PIK3R5: variants seen among roughly 807,000 people sequenced by gnomAD.
The protein encoded by PIK3R5 is phosphoinositide-3-kinase regulatory subunit 5.
PIK3R5 carries 32 observed loss-of-function variants against 94.9 expected under a neutral mutation model. The observed-to-expected ratio is 0.34, with a 90% CI of 0.25 to 0.45. The LOEUF (loss-of-function observed/expected upper bound fraction) is 0.45, where lower values mean the gene tolerates loss of function less well. Ranked by LOEUF, PIK3R5 falls within the 20% of genes least tolerant of loss-of-function variation. PIK3R5 has a pLI of 1.00. For missense variants in PIK3R5, 853 were observed against 1,144.6 expected, an observed-to-expected ratio of 0.75 and a Z score of 3.68; for synonymous variants, 443 against 479.4, an observed-to-expected ratio of 0.92 and a Z score of 0.99.
At chr17:8,887,709 G>A (rs1364484923) in intron 10 of PIK3R5, 26 bp from the exon 11 acceptor site, 7 of 1,569,048 alleles carry the variant, frequency 4.5e-6, no homozygotes, top group Non-Finnish European at 6.0e-6. Flanking sequence ...TGGTGAGAAG[G>A]GGAATGGGCA....
chr17:8,929,180 C>A (rs2090943596), intron 1 of PIK3R5, among the ~76,000 whole-genome samples: 1 of 152,034 alleles, frequency 6.6e-6, no homozygotes, highest in Admixed American at 6.5e-5. Context: ...AAACCAATAA[C>A]AAAATAGCAG....
chr17:8,937,294 A>C (rs2091094005), intron 1 of PIK3R5, among the ~76,000 whole-genome samples: 1 of 152,192 alleles, frequency 6.6e-6, no homozygotes. Context: ...GTTAAATATG[A>C]GTGGTAAGTG....
At chr17:8,913,262 A>G (rs1244468540) in intron 1 of PIK3R5, among the ~76,000 whole-genome samples, 1 of 152,224 alleles carries the variant, frequency 6.6e-6, no homozygotes, top group African/African-American at 2.4e-5. Flanking sequence ...AAGGGGAGCC[A>G]GCCCATGCCA....
At chr17:8,924,915 G>C (rs1234544619) in intron 1 of PIK3R5, among the ~76,000 whole-genome samples, 1 of 152,180 alleles carries the variant, frequency 6.6e-6, no homozygotes, top group East Asian at 1.9e-4. Flanking sequence ...GAACTCTCTA[G>C]ATCTCTAATG....
At chr17:8,959,575 T>C (rs569267622) in intron 1 of PIK3R5, among the ~76,000 whole-genome samples, 1 of 152,130 alleles carries the variant, frequency 6.6e-6, no homozygotes, top group African/African-American at 2.4e-5. Context: ...AGTGTAGATG[T>C]GATCTGGTTG....
intron 12 of PIK3R5, 67 bp downstream of exon 12, chr17:8,887,029 G>A: frequency 6.3e-7 from 1 of 1,588,118 alleles, no homozygotes; most frequent in African/African-American, 1.3e-5. Context: ...CTAAATCCAG[G>A]GCCTTCTAAG....
At chr17:8,922,129 G>A (rs941397030) in intron 1 of PIK3R5, among the ~76,000 whole-genome samples, 25 of 142,234 alleles carry the variant, frequency 1.8e-4, no homozygotes, top group African/African-American at 5.8e-4. Context: ...TGGAGAATAG[G>A]AAAGAAGGAG....
chr17:8,958,999 C>G (rs964785362), intron 1 of PIK3R5, among the ~76,000 whole-genome samples: 3 of 152,176 alleles, frequency 2.0e-5, no homozygotes, highest in Non-Finnish European at 4.4e-5. Flanking sequence ...CTCAGGTGAT[C>G]TGCCCGCCTC....
intron 5 of PIK3R5, among the ~76,000 whole-genome samples, chr17:8,899,836 G>T (rs760953641): frequency 6.6e-5 from 10 of 152,084 alleles, no homozygotes; most frequent in Admixed American, 5.2e-4. Context: ...TTAGGAGTTC[G>T]AGACCAGCCT....
chr17:8,889,286 G>T lies in PIK3R5; in HGVS notation c.812-64C>A. 2 of 1,235,798 alleles carry T rather than the reference G, an allele frequency of 1.6e-6. No homozygotes were observed. The highest frequency in any genetic ancestry group is 2.3e-6 in the Non-Finnish European group (2 of 859,574). The allele number at this position is 1,235,798 out of a possible 1,614,324, so 76.6% of individuals were successfully genotyped here. A position where few individuals can be genotyped will look rare whatever the true frequency, so the allele number is the denominator to read the frequency against. ...GAGGCCTTGGAGATTGGCCAGTCCA[G>T]TCCCCTTGCCTTGGAGAAGAGACCA... On this transcript the variant is annotated intron_variant, in intron 8 of 18. Transcript: ENST00000447110. The surrounding 1 kb of genome is among the most constrained non-coding windows in gnomAD (Gnocchi z 4.1).
rs539398746 is a variant in PIK3R5, at chr17:8,961,325, C to T, written c.-14+4271G>A. 4.6e-5 allele frequency among the ~76,000 whole-genome samples: 7 copies of T among 152,248 alleles called. No individual in the cohort carries two copies. The South Asian group carries it at 1.2e-3, about 27-fold the overall frequency. On this transcript the variant is annotated intron_variant, in intron 1 of 18. Transcript: ENST00000447110. ...TCTGGAAAGTCATGCAGCTCTGCAGCGTTTTCAGCTGAAAAGTGACTCACG... is the reference window on the plus strand; with the variant it reads ...TCTGGAAAGTCATGCAGCTCTGCAGTGTTTTCAGCTGAAAAGTGACTCACG...
chr17:8,964,839 C>G (rs2091636223), intron 1 of PIK3R5, among the ~76,000 whole-genome samples: 1 of 152,212 alleles, frequency 6.6e-6, no homozygotes, highest in African/African-American at 2.4e-5. Context: ...AAACCCACCC[C>G]TCCTCTCTAC....
chr17:8,910,355 C>A (rs773867568), intron 2 of PIK3R5, among the ~76,000 whole-genome samples: 27 of 152,174 alleles, frequency 1.8e-4, no homozygotes, highest in Admixed American at 1.3e-4. Flanking sequence ...AACGATAGCC[C>A]TCTCCCCAGC....
chr17:8,932,235 T>A (rs1335878019), intron 1 of PIK3R5, among the ~76,000 whole-genome samples: 2 of 132,612 alleles, frequency 1.5e-5, no homozygotes, highest in African/African-American at 7.4e-5. Flanking sequence ...ATTGGAAACC[T>A]TTTTTTTTTT....
chr17:8,962,481 T>A (rs543864729), intron 1 of PIK3R5, among the ~76,000 whole-genome samples: 1 of 152,340 alleles, frequency 6.6e-6, no homozygotes, highest in African/African-American at 2.4e-5. Context: ...GTTCTGATAC[T>A]TAGAAGGTAG....
chr17:8,955,988 C>G lies in PIK3R5; in HGVS notation c.-14+9608G>C, dbSNP rs995924611. On this transcript the variant is annotated intron_variant, in intron 1 of 18. Transcript: ENST00000447110. This position sits in a 1 kb window ranked among gnomAD's most constrained non-coding sequence, Gnocchi z 4.4. ...TGGGCAACATAGTGAGACCCTGTCT[C>G]TACAAAAAACACACACAAAAAATTA... is the stretch of plus-strand genomic sequence containing the variant. Among the ~76,000 whole-genome samples, 11 of 151,976 alleles carry G rather than the reference C, an allele frequency of 7.2e-5. No individual in the cohort carries two copies. The highest frequency in any genetic ancestry group is 2.4e-4 in the African/African-American group (10 of 41,356).
chr17:8,956,445 A>C (rs1432263042), intron 1 of PIK3R5, among the ~76,000 whole-genome samples: 1 of 152,162 alleles, frequency 6.6e-6, no homozygotes, highest in African/African-American at 2.4e-5. Flanking sequence ...TCCCACAAGA[A>C]AACTCTTGGA....
At chr17:8,894,480 C>T (rs914073972) in intron 5 of PIK3R5, among the ~76,000 whole-genome samples, 3 of 152,182 alleles carry the variant, frequency 2.0e-5, no homozygotes, top group African/African-American at 7.2e-5. Context: ...GCCTGGCGTC[C>T]TCCGTGCTCT....
rs10680170 is a variant in PIK3R5 at position 8,965,001 on chromosome 17, CCACA to C, written c.-14+591_-14+594del. 6.5e-3 allele frequency among the ~76,000 whole-genome samples: 978 copies of C among 150,796 alleles called. 10 individuals are homozygous for C. The highest frequency in any genetic ancestry group is 0.017 in the African/African-American group (689 of 41,108). Reference sequence around the variant, plus strand: ...GGCCAGCACGCGCACATGCGCATGCCCACACACACACACACACACACACACACAC... The same window carrying C: ...GGCCAGCACGCGCACATGCGCATGCCCACACACACACACACACACACACAC... On this transcript the variant is annotated intron_variant, in intron 1 of 18. Coordinates refer to ENST00000447110, the MANE Select transcript of PIK3R5 (RefSeq NM_001142633.3).
Sources: allele counts gnomAD v4.1 joint callset (sites outside exome capture counted in the v4.1 genomes callset), GRCh38; gene constraint gnomAD v4.1.1; non-coding constraint Gnocchi (gnomAD v3.1); transcripts MANE v1.5; gene names NCBI Gene and HGNC (gene_info 2026-07-23, HGNC 2026-07-21).